Variants in GRK5 observed in about 807,000 individuals in gnomAD.
GRK5 encodes G protein-coupled receptor kinase 5, also known as g protein-coupled receptor kinase GRK5.
GRK5 carries 40 observed loss-of-function variants against 78.4 expected under a neutral mutation model. The observed-to-expected ratio is 0.51, with a 90% confidence interval of 0.40 to 0.66. The LOEUF (loss-of-function observed/expected upper bound fraction) is 0.66, where lower values mean the gene tolerates loss of function less well. Ranked by LOEUF, GRK5 falls within the 30% of genes least tolerant of loss-of-function variation. The probability of loss-of-function intolerance (pLI) is 0.00; values close to 1 mark genes in which losing one functional copy is unlikely to be tolerated. For missense variants in GRK5, 598 were observed against 759.9 expected (o/e 0.79, Z 2.50); for synonymous variants, 289 against 296.8 (o/e 0.97, Z 0.27).
chr10:119,361,655 C>A (rs1020067446), intron 2 of GRK5, among the ~76,000 whole-genome samples: 1 of 152,026 alleles, frequency 6.6e-6, no homozygotes, highest in South Asian at 2.1e-4. Context: ...GTGGGGGAGG[C>A]GCAGAGGGGG....
chr10:119,391,482 G>A (rs910682515), intron 3 of GRK5, among the ~76,000 whole-genome samples: 7 of 152,216 alleles, frequency 4.6e-5, no homozygotes, highest in African/African-American at 1.7e-4. Context: ...TTTACAAAGC[G>A]TGGGAGGGAA....
intron 1 of GRK5, among the ~76,000 whole-genome samples, chr10:119,301,537 C>G (rs1247034149): frequency 6.6e-6 from 1 of 152,178 alleles, no homozygotes; most frequent in South Asian, 2.1e-4. Flanking sequence ...CTTGGTGTTA[C>G]CCACAGCACA....
At chr10:119,309,117 C>T (rs1484903475) in intron 1 of GRK5, among the ~76,000 whole-genome samples, 2 of 152,180 alleles carry the variant, frequency 1.3e-5, no homozygotes, top group South Asian at 4.1e-4. Flanking sequence ...CGTGAGGGAC[C>T]GTGTGGTCTC....
At chr10:119,338,782 C>G (rs1486899875) in intron 2 of GRK5, among the ~76,000 whole-genome samples, 1 of 152,144 alleles carries the variant, frequency 6.6e-6, no homozygotes, top group African/African-American at 2.4e-5. Context: ...TTTAAGCGAT[C>G]TTGAAAATAA....
chr10:119,277,565 T>C (rs1849690147), intron 1 of GRK5, among the ~76,000 whole-genome samples: 1 of 152,164 alleles, frequency 6.6e-6, no homozygotes, highest in Non-Finnish European at 1.5e-5. Context: ...AAAACCACTT[T>C]ATTGAGTGTA....
intron 1 of GRK5, among the ~76,000 whole-genome samples, chr10:119,215,327 G>A (rs948286428): frequency 6.6e-6 from 1 of 152,090 alleles, no homozygotes; most frequent in Non-Finnish European, 1.5e-5. Context: ...CTTCTCTAGA[G>A]GATTCTGTGC....
At chr10:119,356,621 A>T (rs933403236) in intron 2 of GRK5, among the ~76,000 whole-genome samples, 7 of 152,142 alleles carry the variant, frequency 4.6e-5, no homozygotes, top group Non-Finnish European at 8.8e-5. Context: ...CCAACTTTAC[A>T]CAGGCTTTGG....
intron 2 of GRK5, among the ~76,000 whole-genome samples, chr10:119,343,922 T>C (rs1380317370): frequency 2.6e-5 from 4 of 152,134 alleles, no homozygotes; most frequent in Non-Finnish European, 5.9e-5. Flanking sequence ...ACGGCGTTTC[T>C]CAAGTATCCA....
At chr10:119,437,661 C>A (rs1264248305) in intron 9 of GRK5, among the ~76,000 whole-genome samples, 1 of 152,176 alleles carries the variant, frequency 6.6e-6, no homozygotes, top group Non-Finnish European at 1.5e-5. Context: ...ATTTCCTTCA[C>A]TCTCTCCATC....
At chr10:119,403,630 T>TTTG (rs749244447) in intron 4 of GRK5, among the ~76,000 whole-genome samples, 10 of 151,874 alleles carry the variant, frequency 6.6e-5, no homozygotes, top group African/African-American at 1.5e-4. Context: ...TTTCTACCTT[T>TTTG]TTGTTGTTGT....
At chr10:119,211,474 C>CT (rs1848485318) in intron 1 of GRK5, 1 of 152,110 alleles carries the variant, frequency 6.6e-6, no homozygotes, top group South Asian at 2.1e-4. Flanking sequence ...TTTTTCTCAT[C>CT]TTCTAGATCT....
chr10:119,305,732 A>AT (rs1266031804), intron 1 of GRK5, among the ~76,000 whole-genome samples: 1 of 152,216 alleles, frequency 6.6e-6, no homozygotes, highest in Non-Finnish European at 1.5e-5. Flanking sequence ...AAAAACCTGG[A>AT]AGACCTAACC....
rs1030845566 is a variant in GRK5 at position 119,396,682 on chromosome 10, C to T, written c.262-13C>T. 2 of 1,600,928 alleles carry T rather than the reference C, an allele frequency of 1.2e-6. No homozygotes were observed. Among genetic ancestry groups the T allele is most frequent in the East Asian group, 2.2e-5 (1 of 44,832 alleles). On this transcript the variant is annotated splice_polypyrimidine_tract_variant and intron_variant, in intron 3 of 15. Transcript: ENST00000392870. ...CAAACCTGTTATTGTTCTTTTTTCT[C>T]CTTCTGTTTTAGGCAGAATATGAAG...
intron 1 of GRK5, among the ~76,000 whole-genome samples, chr10:119,320,308 A>G (rs1246749746): frequency 6.6e-6 from 1 of 152,270 alleles, no homozygotes; most frequent in South Asian, 2.1e-4. Flanking sequence ...CGGGTCCGCT[A>G]TCAGCACAGG....
intron 1 of GRK5, among the ~76,000 whole-genome samples, chr10:119,260,642 C>T (rs986723456): frequency 4.6e-5 from 7 of 151,988 alleles, no homozygotes; most frequent in African/African-American, 1.7e-4. Flanking sequence ...ATCTGTTTAA[C>T]AAAGCACATC....
At chr10:119,368,297 A>G (rs929865860) in intron 2 of GRK5, among the ~76,000 whole-genome samples, 3 of 152,200 alleles carry the variant, frequency 2.0e-5, no homozygotes, top group Admixed American at 6.5e-5. Context: ...TCAGAGCCCC[A>G]GGCCTCTGCG....
intron 2 of GRK5, among the ~76,000 whole-genome samples, chr10:119,353,071 A>G (rs565162027): frequency 7.2e-5 from 11 of 152,336 alleles, no homozygotes; most frequent in African/African-American, 2.4e-4. Context: ...TGGGTTGCCA[A>G]TGTTGTTCCG....
rs906633158 is a variant in GRK5 at position 119,271,448 on chromosome 10, T to G, written c.53-55068T>G. On this transcript the variant is annotated intron_variant, in intron 1 of 15. Coordinates refer to ENST00000392870, the MANE Select transcript of GRK5 (RefSeq NM_005308.3). The surrounding 1 kb of genome is among the most constrained non-coding windows in gnomAD (Gnocchi z 4.1). ...TCCTACAGATTTTGTTTGCCTGCAT[T>G]GACTTCTTTGTTTAGCTCTAGTAAA... Among the ~76,000 whole-genome samples the G allele has an allele frequency of 2.0e-5, 3 of 152,242 alleles. No homozygotes were observed. Among genetic ancestry groups the G allele is most frequent in the African/African-American group, 7.2e-5 (3 of 41,462 alleles).
rs867588652 is a variant in GRK5 at position 119,225,899 on chromosome 10, T to A, written c.52+17930T>A. ...AGTCTCGCTCTGTCACCCAGGCTGG[T>A]GTGCAGTGGCATGATCTTGGCTCAC... On this transcript the variant is annotated intron_variant, in intron 1 of 15. Transcript: ENST00000392870. Among the ~76,000 whole-genome samples, 227 of 148,756 alleles carry A rather than the reference T, an allele frequency of 1.5e-3. 2 individuals carry two copies. The highest frequency in any genetic ancestry group is 7.0e-3 in the Middle Eastern group (2 of 284).
Sources: allele counts gnomAD v4.1 joint callset (sites outside exome capture counted in the v4.1 genomes callset), GRCh38; gene constraint gnomAD v4.1.1; non-coding constraint Gnocchi (gnomAD v3.1); transcripts MANE v1.5; gene names NCBI Gene and HGNC (gene_info 2026-07-23, HGNC 2026-07-21).